SPON1: variants seen among roughly 807,000 people sequenced by gnomAD.
The protein encoded by SPON1 is spondin-1.
Under a neutral mutation model 111.7 loss-of-function variants are expected in SPON1, and 52 were observed. The ratio of observed to expected loss-of-function variants is 0.47; its 90% CI spans 0.37 to 0.59. SPON1 has a LOEUF of 0.59. Ranked by LOEUF, SPON1 falls within the 20% of genes least tolerant of loss-of-function variation. The pLI, the probability that SPON1 is intolerant of heterozygous loss-of-function variation, is 0.00. For synonymous variants in SPON1, 410 were observed against 395.8 expected (o/e 1.04, Z -0.43); for missense variants, 957 against 1,068.5 (o/e 0.90, Z 1.46).
At chr11:14,088,983 C>T (rs1307574406) in intron 5 of SPON1, among the ~76,000 whole-genome samples, 1 of 151,822 alleles carries the variant, frequency 6.6e-6, no homozygotes, top group Non-Finnish European at 1.5e-5. Flanking sequence ...TCCATCAGGT[C>T]ATTTATGTTC....
intron 3 of SPON1, among the ~76,000 whole-genome samples, chr11:14,056,912 A>G (rs1848749057): frequency 6.6e-6 from 1 of 152,140 alleles, no homozygotes; most frequent in Admixed American, 6.6e-5. Context: ...TAATTAATCA[A>G]TTAAATAAAA....
intron 6 of SPON1, among the ~76,000 whole-genome samples, chr11:14,239,555 A>G (rs1164626396): frequency 6.6e-6 from 1 of 152,154 alleles, no homozygotes; most frequent in Non-Finnish European, 1.5e-5. Context: ...GCGAAACCCC[A>G]TCTCTACAAA....
chr11:14,110,385 A>G (rs1452402626), intron 5 of SPON1, among the ~76,000 whole-genome samples: 3 of 152,184 alleles, frequency 2.0e-5, no homozygotes, highest in Admixed American at 1.3e-4. Flanking sequence ...TGGACTATAC[A>G]TTCTCTACCC....
At chr11:14,089,559 G>C (rs1192404759) in intron 5 of SPON1, among the ~76,000 whole-genome samples, 1 of 152,192 alleles carries the variant, frequency 6.6e-6, no homozygotes, top group African/African-American at 2.4e-5. Flanking sequence ...TCCTGTATGA[G>C]GTGTCTGTCA....
At chr11:14,066,643 G>A (rs1453823094) in intron 3 of SPON1, among the ~76,000 whole-genome samples, 2 of 151,988 alleles carry the variant, frequency 1.3e-5, no homozygotes, top group African/African-American at 4.8e-5. Flanking sequence ...GCTTCCTCCA[G>A]AGAGAAAAAA....
At chr11:14,210,199 C>T (rs1259677766) in intron 6 of SPON1, among the ~76,000 whole-genome samples, 1 of 152,104 alleles carries the variant, frequency 6.6e-6, no homozygotes, top group East Asian at 1.9e-4. Context: ...AATTCTCTCC[C>T]ATTCTGTAGG....
intron 5 of SPON1, among the ~76,000 whole-genome samples, chr11:14,101,020 G>C (rs1002954140): frequency 8.5e-5 from 13 of 152,120 alleles, no homozygotes; most frequent in African/African-American, 2.9e-4. Context: ...TTTTGTTGTT[G>C]TTTTGTTTGG....
chr11:14,192,159 T>G (rs1237087021), intron 6 of SPON1, among the ~76,000 whole-genome samples: 1 of 152,094 alleles, frequency 6.6e-6, no homozygotes, highest in Admixed American at 6.5e-5. Flanking sequence ...TGTGTTCAAT[T>G]CTGAAGGAAA....
chr11:14,118,485 G>A (rs1435102480), intron 5 of SPON1, among the ~76,000 whole-genome samples: 1 of 152,196 alleles, frequency 6.6e-6, no homozygotes, highest in Non-Finnish European at 1.5e-5. Context: ...CTGAAATTAT[G>A]TTCTTTGTGT....
At chr11:14,019,621 A>G (rs181259874) in intron 2 of SPON1, among the ~76,000 whole-genome samples, 53 of 152,264 alleles carry the variant, frequency 3.5e-4, no homozygotes, top group Non-Finnish European at 5.9e-4. Context: ...AGAAAATCCA[A>G]TCATGGCTTT....
chr11:14,242,559 G>A (rs1411933318), intron 6 of SPON1, among the ~76,000 whole-genome samples: 1 of 152,172 alleles, frequency 6.6e-6, no homozygotes, highest in Non-Finnish European at 1.5e-5. Flanking sequence ...AAAGATCATG[G>A]CACCCCTCAC....
At chr11:14,093,255 A>C (rs1459869839) in intron 5 of SPON1, among the ~76,000 whole-genome samples, 1 of 152,250 alleles carries the variant, frequency 6.6e-6, no homozygotes, top group African/African-American at 2.4e-5. Flanking sequence ...TGCTTCACAG[A>C]AACAAGGTGA....
rs188561374 is a variant in SPON1 at position 14,096,586 on chromosome 11, C to T, written c.676+16565C>T. ...CACTGCTCCCTGCCAGTGGAGGCTG[C>T]AGGTGGGTGGTCCTCTTCCAGCAGC... On this transcript the variant is annotated intron_variant, in intron 5 of 15. Transcript: ENST00000576479. Among the ~76,000 whole-genome samples the T allele has an allele frequency of 1.3e-3, 198 of 152,308 alleles. 1 individual carries two copies. The highest frequency in any genetic ancestry group is 2.2e-3 in the Non-Finnish European group (151 of 68,022).
intron 14 of SPON1, 158 bp from the exon 15 acceptor site, chr11:14,262,554 G>C: frequency 2.1e-6 from 2 of 959,958 alleles, no homozygotes; most frequent in Non-Finnish European, 3.1e-6. Flanking sequence ...GCTGAAGTCA[G>C]CCTGCCTCTT....
chr11:14,055,697 A>G (rs1848740126), intron 3 of SPON1, among the ~76,000 whole-genome samples: 1 of 152,150 alleles, frequency 6.6e-6, no homozygotes. Context: ...CCTTTGCCTC[A>G]AGCTTGGACT....
chr11:13,968,389 G>A (rs957403442), intron 1 of SPON1, among the ~76,000 whole-genome samples: 7 of 152,196 alleles, frequency 4.6e-5, no homozygotes, highest in Non-Finnish European at 1.0e-4. Flanking sequence ...CTACTTAGCC[G>A]TGTGTAGCTA....
intron 2 of SPON1, among the ~76,000 whole-genome samples, chr11:14,014,374 C>T (rs1487666724): frequency 1.3e-5 from 2 of 152,220 alleles, no homozygotes; most frequent in South Asian, 4.1e-4. Flanking sequence ...AGTCAGAATG[C>T]ATCTTACAAT....
chr11:14,227,825 C>A (rs1287196891), intron 6 of SPON1, among the ~76,000 whole-genome samples: 1 of 152,108 alleles, frequency 6.6e-6, no homozygotes, highest in Non-Finnish European at 1.5e-5. Flanking sequence ...CCTCTTAATA[C>A]CATGCTTTTG....
intron 6 of SPON1, among the ~76,000 whole-genome samples, chr11:14,174,502 A>G (rs932860821): frequency 6.6e-6 from 1 of 152,144 alleles, no homozygotes; most frequent in Non-Finnish European, 1.5e-5. Context: ...AGAGGGATTT[A>G]TCTGCTTTTA....
Sources: gnomAD v4.1 joint callset for allele counts (sites outside exome capture counted in the v4.1 genomes callset) on GRCh38, gnomAD v4.1.1 for gene constraint, MANE v1.5 for transcripts, NCBI Gene and HGNC (gene_info 2026-07-23, HGNC 2026-07-21) for gene names.